CCDC144A: variants seen among roughly 807,000 people sequenced by gnomAD.
CCDC144A encodes coiled-coil domain containing 144A.
CCDC144A carries 41 observed loss-of-function variants against 143.8 expected under a neutral mutation model. That is an observed-to-expected ratio of 0.29 (90% CI 0.22 to 0.37). The LOEUF (loss-of-function observed/expected upper bound fraction) is 0.37. Ranked by LOEUF, CCDC144A falls within the 10% of genes least tolerant of loss-of-function variation. The pLI is 1.00. For missense variants in CCDC144A, 637 were observed against 1,488.8 expected (o/e 0.43, Z 9.41); for synonymous variants, 242 against 517.9 (o/e 0.47, Z 7.23).
At chr17:16,697,774 C>T (rs1911502864) in intron 2 of CCDC144A, among the ~76,000 whole-genome samples, 1 of 151,778 alleles carries the variant, frequency 6.6e-6, no homozygotes, top group African/African-American at 2.4e-5. Flanking sequence ...ATAAAATAAA[C>T]GTGTCATAGT....
chr17:16,723,643 TC>T (rs1310268956), intron 8 of CCDC144A, among the ~76,000 whole-genome samples: 1 of 152,086 alleles, frequency 6.6e-6, no homozygotes, highest in Non-Finnish European at 1.5e-5. Flanking sequence ...ATCTCTTTTT[TC>T]CCCCTGTGTC....
rs1597585034 is a variant in CCDC144A at position 16,753,431 on chromosome 17, T to TTTTGTTGTTGTTGTTG, written c.3373-7991_3373-7990insGTTGTTGTTGTTGTTT. 1.2e-3 allele frequency among the ~76,000 whole-genome samples: 142 copies of TTTTGTTGTTGTTGTTG among 115,070 alleles called. 4 individuals are homozygous for TTTTGTTGTTGTTGTTG. Among genetic ancestry groups the TTTTGTTGTTGTTGTTG allele is most frequent in the East Asian group, 2.7e-3 (12 of 4,498 alleles). 75.5% of individuals were successfully genotyped at this position (115,070 alleles called of 152,430 possible). ...TTTCTTTTGTCAGTGTTTTGTAGTTTTTTTTTTTTTTTTTTTTTTTTTTTT... is the reference window on the plus strand; with the variant it reads ...TTTCTTTTGTCAGTGTTTTGTAGTTTTTTGTTGTTGTTGTTGTTTTTTTTTTTTTTTTTTTTTTTTT... On this transcript the variant is annotated intron_variant, in intron 12 of 16. Transcript: ENST00000399273.
chr17:16,709,748 G>A (rs1206625116), intron 5 of CCDC144A, 113 bp downstream of exon 5: 13 of 1,390,600 alleles, frequency 9.3e-6, no homozygotes, highest in Non-Finnish European at 3.9e-6. Context: ...GTCTAAATCT[G>A]TAATTGTGTG....
intron 5 of CCDC144A, among the ~76,000 whole-genome samples, chr17:16,711,135 TG>T (rs1269961687): frequency 1.7e-3 from 17 of 10,070 alleles, no homozygotes; most frequent in African/African-American, 0.011. Flanking sequence ...AGGATTCAAA[TG>T]AAAAAAAAAA....
At chr17:16,699,869 C>T (rs576710221) in intron 2 of CCDC144A, among the ~76,000 whole-genome samples, 3 of 152,118 alleles carry the variant, frequency 2.0e-5, no homozygotes, top group South Asian at 4.1e-4. Flanking sequence ...TTTTTAATGC[C>T]TTTAGTCCAG....
intron 6 of CCDC144A, among the ~76,000 whole-genome samples, chr17:16,716,365 CT>C (rs889947496): frequency 1.2e-4 from 19 of 152,004 alleles, no homozygotes; most frequent in East Asian, 3.9e-4. Flanking sequence ...TAGTGATATT[CT>C]TTTTTTTATT....
In CCDC144A at chr17:16,776,956, A is replaced by AT; in HGVS notation, c.*3323_*3324insT. 1 of 143,010 alleles carries AT rather than the reference A, an allele frequency of 7.0e-6. No individual in the cohort carries two copies. The highest frequency in any genetic ancestry group is 2.1e-4 in the East Asian group (1 of 4,810). 8.9% of individuals were successfully genotyped at this position (143,010 alleles called of 1,614,324 possible). ...CACCAACCAAGTTGCTGCTGTCTTC[A>AT]GGAGACTCACCTAACACATACGGAC... On this transcript the variant is annotated 3_prime_UTR_variant, in exon 17 of 17. Transcript: ENST00000399273.
the CCDC144A span, among the ~76,000 whole-genome samples, chr17:16,680,176 C>T: frequency 2.0e-5 from 3 of 150,788 alleles, no homozygotes; most frequent in Non-Finnish European, 4.4e-5. Flanking sequence ...TGCCTATAAT[C>T]CCAGCACTTT....
chr17:16,682,212 TG>T, the CCDC144A span, among the ~76,000 whole-genome samples: 1 of 150,874 alleles, frequency 6.6e-6, no homozygotes, highest in African/African-American at 2.4e-5. Context: ...GGTGTGTGTG[TG>T]TGTGTGTGTG....
At chr17:16,767,850 T>C (rs914960284) in intron 15 of CCDC144A, among the ~76,000 whole-genome samples, 11 of 152,246 alleles carry the variant, frequency 7.2e-5, no homozygotes, top group African/African-American at 2.7e-4. Flanking sequence ...TCTCACCCCA[T>C]TATATGAAGT....
chr17:16,719,801 T>C (rs571452589), intron 6 of CCDC144A, among the ~76,000 whole-genome samples: 2 of 152,148 alleles, frequency 1.3e-5, no homozygotes, highest in East Asian at 3.9e-4. Context: ...GAGTAATATT[T>C]TCCAAATAGG....
At chr17:16,703,822 A>C (rs943558949) in intron 2 of CCDC144A, among the ~76,000 whole-genome samples, 60 of 152,046 alleles carry the variant, frequency 3.9e-4, no homozygotes, top group Non-Finnish European at 5.9e-4. Flanking sequence ...ACAAACGAAC[A>C]AAAAAACACA....
chr17:16,694,643 T>A (rs1419220956), intron 2 of CCDC144A, among the ~76,000 whole-genome samples: 2 of 151,920 alleles, frequency 1.3e-5, no homozygotes, highest in African/African-American at 2.4e-5. Flanking sequence ...TAATGGGAAA[T>A]TATTTTTTAA....
the CCDC144A span, among the ~76,000 whole-genome samples, chr17:16,668,176 C>T: frequency 2.2e-5 from 3 of 139,504 alleles, no homozygotes; most frequent in Admixed American, 2.2e-4. Context: ...ATCTCCTAGG[C>T]AATTCATTTT....
intron 2 of CCDC144A, among the ~76,000 whole-genome samples, chr17:16,697,889 T>C (rs1911508243): frequency 2.0e-5 from 3 of 152,208 alleles, no homozygotes; most frequent in Admixed American, 2.0e-4. Context: ...GATTCTCAGG[T>C]TTCTGGCTTG....
chr17:16,669,546 T>A, the CCDC144A span, among the ~76,000 whole-genome samples: 1 of 152,236 alleles, frequency 6.6e-6, no homozygotes, highest in South Asian at 2.1e-4. Flanking sequence ...CAACACTTTT[T>A]CTGATGCTGG....
chr17:16,685,207 G>T (rs565916746), upstream of CCDC144A, among the ~76,000 whole-genome samples: 1 of 151,878 alleles, frequency 6.6e-6, no homozygotes, highest in East Asian at 1.9e-4. Flanking sequence ...TTGTGTTTTT[G>T]GTAGCGATGG....
At chr17:16,752,515 T>C (rs895852890) in intron 12 of CCDC144A, among the ~76,000 whole-genome samples, 1 of 149,032 alleles carries the variant, frequency 6.7e-6, no homozygotes, top group African/African-American at 2.5e-5. Flanking sequence ...CTCAGTATAC[T>C]TGAGCAGTGT....
intron 12 of CCDC144A, among the ~76,000 whole-genome samples, chr17:16,757,125 G>C (rs957993179): frequency 6.6e-6 from 1 of 152,280 alleles, no homozygotes; most frequent in Admixed American, 6.5e-5. Flanking sequence ...TGTGTGCTGG[G>C]ATCAGAGGTG....
Sources: gnomAD v4.1 joint callset for allele counts (sites outside exome capture counted in the v4.1 genomes callset) on GRCh38, gnomAD v4.1.1 for gene constraint, MANE v1.5 for transcripts, NCBI Gene and HGNC (gene_info 2026-07-23, HGNC 2026-07-21) for gene names.